Variants in CDC14A observed in about 807,000 individuals in gnomAD.
CDC14A encodes cell division cycle 14A.
CDC14A carries 53 observed loss-of-function variants against 74.4 expected under a neutral mutation model. The observed-to-expected ratio is 0.71, with a 90% CI of 0.57 to 0.89. CDC14A has a LOEUF of 0.89. Among genes scored for constraint, CDC14A ranks in the 40% least tolerant of loss-of-function variants. The probability of loss-of-function intolerance (pLI) is 0.00; values close to 1 mark genes in which losing one functional copy is unlikely to be tolerated. For synonymous variants in CDC14A, 247 were observed against 258.4 expected, an observed-to-expected ratio of 0.96 and a Z score of 0.43; for missense variants, 646 against 713.7, an observed-to-expected ratio of 0.91 and a Z score of 1.08.
chr1:100,392,999 A>G, intron 4 of CDC14A: 1 of 1,268,490 alleles, frequency 7.9e-7, no homozygotes, highest in Non-Finnish European at 1.1e-6. Flanking sequence ...GCCTTTTGTG[A>G]GAGCCCAACT....
At chr1:100,391,015 A>G (rs1240853240) in intron 4 of CDC14A, 191 bp downstream of exon 4, 2 of 634,992 alleles carry the variant, frequency 3.1e-6, no homozygotes, top group African/African-American at 1.8e-5. Flanking sequence ...TTTATTTTCT[A>G]CTAGTTAATG....
chr1:100,427,528 G>A (rs1230852100), intron 5 of CDC14A, among the ~76,000 whole-genome samples: 1 of 152,168 alleles, frequency 6.6e-6, no homozygotes, highest in East Asian at 1.9e-4. Context: ...GGCTTGGCAG[G>A]TCCTTTGCCT....
At chr1:100,433,960 C>T (rs974446158) in intron 5 of CDC14A, among the ~76,000 whole-genome samples, 5 of 152,184 alleles carry the variant, frequency 3.3e-5, no homozygotes, top group African/African-American at 1.2e-4. Flanking sequence ...GTGAAACAAG[C>T]TCTTTAACAT....
At position 100,462,682 on chromosome 1, in the gene CDC14A, T is replaced by A; in HGVS notation, c.639T>A (p.Phe213Leu). ...CTCTTCACGCCCCTGAAGCCTACTTTCCTTATTTCAAAAAGCATAATGTGA... is the reference window on the plus strand; with the variant it reads ...CTCTTCACGCCCCTGAAGCCTACTTACCTTATTTCAAAAAGCATAATGTGA... ...GYPLHAPEAY[F>L]PYFKKHNVTA... Residue 213 changes from phenylalanine (F) to leucine (L), a missense_variant, in exon 9 of 16, where the codon TTT becomes TTA. Coordinates refer to ENST00000336454, the MANE Select transcript of CDC14A (RefSeq NM_003672.4). The A allele has an allele frequency of 1.2e-6, 2 of 1,614,156 alleles. No individual in the cohort carries two copies. Among genetic ancestry groups the A allele is most frequent in the Non-Finnish European group, 1.7e-6 (2 of 1,180,006 alleles).
At chr1:100,374,046 T>C (rs1474661768) in intron 2 of CDC14A, among the ~76,000 whole-genome samples, 1 of 152,058 alleles carries the variant, frequency 6.6e-6, no homozygotes, top group African/African-American at 2.4e-5. Flanking sequence ...TGAGTGAGAA[T>C]ATGCGGTGTT....
intron 11 of CDC14A, among the ~76,000 whole-genome samples, chr1:100,490,103 A>G (rs926350205): frequency 2.6e-5 from 4 of 152,240 alleles, no homozygotes; most frequent in African/African-American, 9.6e-5. Context: ...GATTTGTGCC[A>G]CACAATATCT....
At chr1:100,475,594 T>C (rs72986227) in intron 10 of CDC14A, among the ~76,000 whole-genome samples, 8,666 of 152,176 alleles carry the variant, frequency 0.057, 833 homozygotes, top group African/African-American at 0.2. Context: ...TACTACCAGG[T>C]GGAGGCAGGA....
chr1:100,454,014 A>G (rs1666418629), intron 7 of CDC14A, among the ~76,000 whole-genome samples: 1 of 152,226 alleles, frequency 6.6e-6, no homozygotes, highest in Admixed American at 6.5e-5. Context: ...ACAGTTTCAC[A>G]TATAACTTTT....
At chr1:100,402,278 C>T (rs557329150) in intron 4 of CDC14A, among the ~76,000 whole-genome samples, 1 of 152,228 alleles carries the variant, frequency 6.6e-6, no homozygotes, top group East Asian at 1.9e-4. Context: ...CTGGCATTTA[C>T]CCGAGTGAGG....
chr1:100,481,013 G>A (rs1242704760), intron 10 of CDC14A: 1 of 152,226 alleles, frequency 6.6e-6, no homozygotes, highest in Admixed American at 6.5e-5. Context: ...AGAACTCCTT[G>A]AATACCTGTT....
chr1:100,440,152 A>G (rs1664767179), intron 6 of CDC14A, among the ~76,000 whole-genome samples, 154 bp downstream of exon 6: 1 of 152,244 alleles, frequency 6.6e-6, no homozygotes, highest in Non-Finnish European at 1.5e-5. Flanking sequence ...GATTTGTAAA[A>G]TACAAACACC....
At chr1:100,367,318 G>T (rs1180599847) in intron 2 of CDC14A, among the ~76,000 whole-genome samples, 1 of 151,924 alleles carries the variant, frequency 6.6e-6, no homozygotes, top group African/African-American at 2.4e-5. Context: ...TTTCCCTCTA[G>T]CTAATAGTAT....
chr1:100,498,805 A>T, intron 14 of CDC14A, 124 bp from the exon 15 acceptor site: 1 of 1,329,166 alleles, frequency 7.5e-7, no homozygotes, highest in Non-Finnish European at 1.0e-6. Context: ...CATCATTCAC[A>T]TTGATCAGAT....
At chr1:100,375,553 A>G (rs1272369525) in intron 2 of CDC14A, among the ~76,000 whole-genome samples, 2 of 152,240 alleles carry the variant, frequency 1.3e-5, no homozygotes, top group South Asian at 2.1e-4. Flanking sequence ...AAAAATGCTC[A>G]TCATCACTGG....
chr1:100,500,237 A>G (rs1440452325), intron 15 of CDC14A, among the ~76,000 whole-genome samples: 1 of 152,170 alleles, frequency 6.6e-6, no homozygotes, highest in Non-Finnish European at 1.5e-5. Flanking sequence ...TACTCAGGGC[A>G]TGAACAAGCC....
intron 4 of CDC14A, among the ~76,000 whole-genome samples, chr1:100,391,586 G>A (rs1368006833): frequency 6.6e-6 from 1 of 152,158 alleles, no homozygotes; most frequent in Non-Finnish European, 1.5e-5. Flanking sequence ...GAGCAGAGAG[G>A]TATCATTTCC....
chr1:100,462,926 G>A, intron 9 of CDC14A, 45 bp downstream of exon 9: 2 of 1,446,598 alleles, frequency 1.4e-6, no homozygotes, highest in Non-Finnish European at 1.9e-6. Flanking sequence ...TATCGAAGGG[G>A]CGGGCCAAGG....
intron 4 of CDC14A, among the ~76,000 whole-genome samples, chr1:100,397,207 C>A (rs1002720948): frequency 6.6e-6 from 1 of 152,116 alleles, no homozygotes; most frequent in African/African-American, 2.4e-5. Flanking sequence ...GATGTGGGCA[C>A]TGGAGACCAC....
At chr1:100,504,971 T>G in intron 15 of CDC14A, 7 of 1,496,880 alleles carry the variant, frequency 4.7e-6, no homozygotes, top group Non-Finnish European at 5.4e-6. Flanking sequence ...TAATACTTTA[T>G]TTTATCATGT....
Sources: gnomAD v4.1 joint callset for allele counts (sites outside exome capture counted in the v4.1 genomes callset) on GRCh38, gnomAD v4.1.1 for gene constraint, MANE v1.5 for transcripts, NCBI Gene and HGNC (gene_info 2026-07-23, HGNC 2026-07-21) for gene names.